The following NNMT variants were observed in gnomAD, a reference collection of about 807,000 sequenced individuals.
NNMT encodes nicotinamide N-methyltransferase.
Under a neutral mutation model 11.7 loss-of-function variants are expected in NNMT, and 10 were observed. The ratio of observed to expected loss-of-function variants is 0.85; its 90% CI spans 0.53 to 1.45. The LOEUF (loss-of-function observed/expected upper bound fraction) is 1.45, where lower values mean the gene tolerates loss of function less well. Ranked by LOEUF, NNMT falls within the 40% of genes most tolerant of loss-of-function variation. The probability of loss-of-function intolerance (pLI) is 0.00; values close to 1 mark genes in which losing one functional copy is unlikely to be tolerated. For synonymous variants in NNMT, 143 were observed against 133.8 expected, an observed-to-expected ratio of 1.07 and a Z score of -0.48; for missense variants, 381 against 319.4, an observed-to-expected ratio of 1.19 and a Z score of -1.47.
In NNMT at chr11:114,296,609, G is replaced by A. The variant is rs368443208; in HGVS notation, c.53G>A (p.Arg18Gln). ...ACCTATCTAAGCCATTTTAACCCTC[G>A]GGATTACCTAGAAAAATATTACAAG... ...KDTYLSHFNP[R>Q]DYLEKYYKFG... Residue 18 changes from arginine (R) to glutamine (Q), a missense_variant, in exon 1 of 3, where the codon CGG becomes CAG. Physicochemically the swap from Arg to Gln is conservative, Grantham distance 43 (BLOSUM62 1). Coordinates refer to ENST00000299964, the MANE Select transcript of NNMT (RefSeq NM_006169.3). 3.0e-5 allele frequency: 48 copies of A among 1,613,890 alleles called. 1 individual carries two copies. Among genetic ancestry groups the A allele is most frequent in the Non-Finnish European group, 1.4e-5 (16 of 1,180,010 alleles).
At chr11:114,265,275 A>G (rs1341771272) in intron 2 of NNMT, among the ~76,000 whole-genome samples, 1 of 152,208 alleles carries the variant, frequency 6.6e-6, no homozygotes, top group African/African-American at 2.4e-5. Context: ...ATATTTCACA[A>G]TATCACAGCT....
intron 2 of NNMT, among the ~76,000 whole-genome samples, chr11:114,265,236 G>A (rs756423904): frequency 3.3e-5 from 5 of 152,130 alleles, no homozygotes; most frequent in Admixed American, 6.5e-5. Flanking sequence ...GGAGTTGTGC[G>A]CCAAGAGACA....
chr11:114,261,575 A>T (rs1025137011), intron 1 of NNMT, among the ~76,000 whole-genome samples: 6 of 151,002 alleles, frequency 4.0e-5, no homozygotes, highest in Admixed American at 6.6e-5. Context: ...CAAGAGCGAA[A>T]CTCCATCTCA....
In NNMT at chr11:114,296,605, C is replaced by T; in HGVS notation, c.49C>T (p.Pro17Ser). The change falls in exon 1 of 3, where the codon CCT becomes TCT. Residue 17 changes from proline (P) to serine (S), a missense_variant. Transcript: ENST00000299964. Reference protein sequence around the residue: ...SKDTYLSHFNPRDYLEKYYKF... With the variant: ...SKDTYLSHFNSRDYLEKYYKF... The stretch of plus-strand genomic sequence containing the variant: ...GGACACCTATCTAAGCCATTTTAAC[C>T]CTCGGGATTACCTAGAAAAATATTA... 1 of 1,614,100 alleles carries T rather than the reference C, an allele frequency of 6.2e-7. No individual in the cohort carries two copies. The highest frequency in any genetic ancestry group is 2.2e-5 in the East Asian group (1 of 44,878).
In NNMT at chr11:114,258,066, C is replaced by T. The variant is rs184636489; in HGVS notation, c.-217+188C>T. Among the ~76,000 whole-genome samples, 1,035 of 152,300 alleles carry T rather than the reference C, an allele frequency of 6.8e-3. 44 individuals carry two copies. The highest frequency in any genetic ancestry group is 0.061 in the Admixed American group (941 of 15,308). ...TGCCTGGGGCAGGCGGCCCCACTGC[C>T]GCCCCCTGCCAGCCCCGGCTGCCAC... is the stretch of plus-strand genomic sequence containing the variant. On this transcript the variant is annotated intron_variant, in intron 1 of 4. Coordinates refer to the NNMT transcript ENST00000535401.
At chr11:114,294,680 G>A (rs1437823503), upstream of NNMT, among the ~76,000 whole-genome samples, 1 of 151,590 alleles carries the variant, frequency 6.6e-6, no homozygotes, top group Non-Finnish European at 1.5e-5. Context: ...TGTATTGCAG[G>A]CCTCTATCAG....
chr11:114,262,460 G>T (rs921128719), intron 1 of NNMT, among the ~76,000 whole-genome samples: 12 of 152,054 alleles, frequency 7.9e-5, no homozygotes, highest in African/African-American at 2.7e-4. Context: ...GCGGTGTTTG[G>T]TTTTTTGTCG....
At chr11:114,297,772 C>A (rs1269769907) in intron 1 of NNMT, among the ~76,000 whole-genome samples, 179 bp from the exon 2 acceptor site, 1 of 152,174 alleles carries the variant, frequency 6.6e-6, no homozygotes, top group Non-Finnish European at 1.5e-5. Flanking sequence ...TAGGCATGAG[C>A]CACTGTGCCT....
intron 2 of NNMT, among the ~76,000 whole-genome samples, chr11:114,266,271 C>T (rs1448307181): frequency 6.6e-6 from 1 of 152,150 alleles, no homozygotes; most frequent in Non-Finnish European, 1.5e-5. Flanking sequence ...ATATACTTGG[C>T]TTAGTCTACC....
intron 2 of NNMT, among the ~76,000 whole-genome samples, chr11:114,303,504 A>G (rs1945458960): frequency 6.6e-6 from 1 of 152,186 alleles, no homozygotes; most frequent in Admixed American, 6.5e-5. Flanking sequence ...CTCATTTTAT[A>G]CAATTTTTCT....
At chr11:114,262,022 G>A (rs1300255462) in intron 1 of NNMT, among the ~76,000 whole-genome samples, 2 of 152,112 alleles carry the variant, frequency 1.3e-5, no homozygotes, top group Non-Finnish European at 2.9e-5. Flanking sequence ...AGTGCCCCTA[G>A]GGCTGGGTCA....
chr11:114,303,825 C>T (rs1340007297), intron 2 of NNMT, among the ~76,000 whole-genome samples: 2 of 152,112 alleles, frequency 1.3e-5, no homozygotes, highest in Non-Finnish European at 2.9e-5. Flanking sequence ...GATTTCCCAC[C>T]TTAGCCTCCT....
At chr11:114,298,432 A>C (rs1439169320) in intron 2 of NNMT, 2 of 404,870 alleles carry the variant, frequency 4.9e-6, no homozygotes, top group Non-Finnish European at 9.2e-6. Flanking sequence ...CAAATTTTCC[A>C]GGCCTTTGGG....
In NNMT at chr11:114,264,733, A is replaced by G. The variant is rs141456677; in HGVS notation, c.-130+1799A>G. Among the ~76,000 whole-genome samples the G allele has an allele frequency of 4.8e-4, 73 of 152,224 alleles. No individual in the cohort carries two copies. In the South Asian group the frequency reaches 0.015, roughly 31 times the overall value. Reference sequence around the variant, plus strand: ...CCAGCTATATATCAGGGTTCCCACAACCTCCTCATTGGGTTTGATTAATTT... The same window carrying G: ...CCAGCTATATATCAGGGTTCCCACAGCCTCCTCATTGGGTTTGATTAATTT... On this transcript the variant is annotated intron_variant, in intron 2 of 4. Coordinates refer to the NNMT transcript ENST00000535401.
chr11:114,281,600 A>G (rs189775800), intron 2 of NNMT, among the ~76,000 whole-genome samples: 60 of 152,310 alleles, frequency 3.9e-4, no homozygotes, highest in African/African-American at 1.3e-3. Flanking sequence ...AAGACACAAC[A>G]TGAGAGGGAT....
intron 2 of NNMT, among the ~76,000 whole-genome samples, chr11:114,264,059 G>T (rs1223556933): frequency 6.6e-6 from 1 of 152,068 alleles, no homozygotes; most frequent in African/African-American, 2.4e-5. Flanking sequence ...CTTATTAAAA[G>T]TCAGCTCCTC....
At chr11:114,295,419 C>CTTTT (rs35621813), upstream of NNMT, among the ~76,000 whole-genome samples, 420 of 85,008 alleles carry the variant, frequency 4.9e-3, 13 homozygotes, top group African/African-American at 0.012. Flanking sequence ...TTAAAGAATT[C>CTTTT]TTTTTTTTTT....
Position 114,298,282 on chromosome 11 carries a change from G to A in NNMT, c.362+124G>A, listed in dbSNP as rs1945404609. The A allele has an allele frequency of 1.4e-5, 11 of 773,648 alleles. No homozygotes were observed. The East Asian group carries it at 2.6e-4, about 18-fold the overall frequency. The allele number at this position is 773,648 out of a possible 1,614,324, so 47.9% of individuals were successfully genotyped here. ...AGAATGAGTGGTAACGAGAGAGCGA[G>A]AGCAAGAGAGATGAGATAGGCCCAT... is the stretch of plus-strand genomic sequence containing the variant. On this transcript the variant is annotated intron_variant, in intron 2 of 2. Coordinates refer to ENST00000299964, the MANE Select transcript of NNMT (RefSeq NM_006169.3).
intron 2 of NNMT, among the ~76,000 whole-genome samples, chr11:114,277,094 A>T (rs765099111): frequency 6.6e-6 from 1 of 152,140 alleles, no homozygotes; most frequent in Non-Finnish European, 1.5e-5. Context: ...GTTGGGGCTC[A>T]TGCCTGTAAT....
Sources: allele counts gnomAD v4.1 joint callset (sites outside exome capture counted in the v4.1 genomes callset), GRCh38; gene constraint gnomAD v4.1.1; transcripts MANE v1.5; gene names NCBI Gene and HGNC (gene_info 2026-07-23, HGNC 2026-07-21).